Variants in MEGF8 observed in about 807,000 individuals in gnomAD.
MEGF8 encodes multiple EGF like domains 8, also known as multiple epidermal growth factor-like domains protein 8.
Under a neutral mutation model 302.9 loss-of-function variants are expected in MEGF8, and 156 were observed. The ratio of observed to expected loss-of-function variants is 0.52; its 90% CI spans 0.45 to 0.59. MEGF8 has a LOEUF of 0.59. Among genes scored for constraint, MEGF8 ranks in the 20% least tolerant of loss-of-function variants. MEGF8 has a pLI of 0.00. For missense variants in MEGF8, 3,345 were observed against 3,964.5 expected (o/e 0.84, Z 4.20); for synonymous variants, 1,621 against 1,660.5 (o/e 0.98, Z 0.58).
chr19:42,348,441 G>T lies in MEGF8; in HGVS notation c.2267G>T (p.Arg756Leu). Residue 756 changes from arginine (R) to leucine (L), a missense_variant, in exon 13 of 42, where the codon CGG (arginine) becomes CTG (leucine). Physicochemically the swap from Arg to Leu is moderately radical, Grantham distance 102. Coordinates refer to ENST00000251268, the MANE Select transcript of MEGF8 (RefSeq NM_001271938.2). ...TRAQRLHVLA[R>L]MARGPDTENM... The stretch of plus-strand genomic sequence containing the variant: ...GCCCAGCGCCTACACGTCCTGGCCC[G>T]GATGGCCCGTGGCCCTGACACGGAG... The T allele has an allele frequency of 1.3e-6, 2 of 1,529,720 alleles. No homozygotes were observed. Among genetic ancestry groups the T allele is most frequent in the Non-Finnish European group, 1.8e-6 (2 of 1,141,190 alleles). 94.8% of individuals were successfully genotyped at this position (1,529,720 alleles called of 1,614,324 possible). A position where few individuals can be genotyped will look rare whatever the true frequency, so the allele number is the denominator to read the frequency against.
At position 42,362,423 on chromosome 19, in the gene MEGF8, G is replaced by A. The variant is rs1454888198; in HGVS notation, c.5884G>A (p.Glu1962Lys). ...PRCKWCTNCPEGACIGRNGSC... is the reference protein window; with the variant it reads ...PRCKWCTNCPKGACIGRNGSC... ...CTGTAAGTGGTGTACCAACTGCCCC[G>A]AAGGTGCTTGCATTGGACGCAATGG... The change falls in exon 34 of 42, where the codon GAA becomes AAA. Residue 1962 changes from glutamate (E) to lysine (K), a missense_variant. By Grantham distance (56) the Glu-to-Lys change is moderately conservative (BLOSUM62 1). Transcript: ENST00000251268. 11 of 1,613,974 alleles carry A rather than the reference G, an allele frequency of 6.8e-6. No homozygotes were observed. The highest frequency in any genetic ancestry group is 8.5e-6 in the Non-Finnish European group (10 of 1,179,886).
Position 42,362,605 on chromosome 19 carries a change from G to T in MEGF8, c.6058+8G>T, listed in dbSNP as rs955978918. ...GGCAGTTCAAGAGGACAGGTGAGCA[G>T]TGGGCCTAGTTCCTGAGAGGGGAGT... On this transcript the variant is annotated splice_region_variant and intron_variant, in intron 34 of 41. Coordinates refer to ENST00000251268, the MANE Select transcript of MEGF8 (RefSeq NM_001271938.2). 1.1e-5 allele frequency: 18 copies of T among 1,610,346 alleles called. No individual in the cohort carries two copies. The highest frequency in any genetic ancestry group is 1.5e-5 in the Non-Finnish European group (18 of 1,179,656).
Position 42,336,130 on chromosome 19 carries a change from A to G in MEGF8, c.1028A>G (p.Asp343Gly), listed in dbSNP as rs757946834. 20 of 1,608,640 alleles carry G rather than the reference A, an allele frequency of 1.2e-5. No homozygotes were observed. Among genetic ancestry groups the G allele is most frequent in the Non-Finnish European group, 1.6e-5 (19 of 1,179,002 alleles). Residue 343 changes from aspartate (D) to glycine (G), a missense_variant, in exon 6 of 42, where the codon GAT becomes GGT. Coordinates refer to ENST00000251268, the MANE Select transcript of MEGF8 (RefSeq NM_001271938.2). The surrounding 1 kb of genome is among the most constrained non-coding windows in gnomAD (Gnocchi z 4.8). ...GCAGGTCACGCGGCTGCCCTGGTGG[A>G]TGATGTCTGGCTATATGTGTCTGGA... ...GLAGHAAALV[D>G]DVWLYVSGGR...
At chr19:42,363,526 A>G (rs1043935967) in intron 35 of MEGF8, among the ~76,000 whole-genome samples, 5 of 152,086 alleles carry the variant, frequency 3.3e-5, no homozygotes, top group Non-Finnish European at 5.9e-5. Context: ...ACTCTTGTCC[A>G]TGGTATCATG....
chr19:42,354,823 C>G lies in MEGF8; in HGVS notation c.4144+103C>G, dbSNP rs2039428172. 1 of 1,279,008 alleles carries G rather than the reference C, an allele frequency of 7.8e-7. No homozygotes were observed. The highest frequency in any genetic ancestry group is 1.1e-6 in the Non-Finnish European group (1 of 943,608). 79.2% of individuals were successfully genotyped at this position (1,279,008 alleles called of 1,614,324 possible). A position where few individuals can be genotyped will look rare whatever the true frequency, so the allele number is the denominator to read the frequency against. On this transcript the variant is annotated intron_variant, in intron 23 of 41. Transcript: ENST00000251268. This position sits in a 1 kb window ranked among gnomAD's most constrained non-coding sequence, Gnocchi z 4.3. Reference sequence around the variant, plus strand: ...GGCTCAGGACCCAGCTCTGCCGCTGCTTATGGGGTGATGTAGTCCCTCACC... The same window carrying G: ...GGCTCAGGACCCAGCTCTGCCGCTGGTTATGGGGTGATGTAGTCCCTCACC...
intron 13 of MEGF8, among the ~76,000 whole-genome samples, 199 bp downstream of exon 13, chr19:42,348,671 C>T (rs1401284542): frequency 1.8e-4 from 28 of 152,218 alleles, no homozygotes; most frequent in Admixed American, 1.8e-3. Flanking sequence ...GCGATCTCGG[C>T]TCACTGCTAC....
chr19:42,341,022 G>T (rs1433567418), intron 8 of MEGF8, among the ~76,000 whole-genome samples: 1 of 152,112 alleles, frequency 6.6e-6, no homozygotes, highest in Non-Finnish European at 1.5e-5. Flanking sequence ...CTGGAGTGCA[G>T]TGGTGCAGTC....
Position 42,354,075 on chromosome 19 carries a change from C to T in MEGF8, c.4011+51C>T, listed in dbSNP as rs981265413. 3 of 1,535,144 alleles carry T rather than the reference C, an allele frequency of 2.0e-6. No homozygotes were observed. The African/African-American group carries it at 4.1e-5, about 21-fold the overall frequency. ...AGGCGCATGAGCCAGAACCGTGTCC[C>T]CTGACCCAGCCTGCATCCTCAGACC... On this transcript the variant is annotated intron_variant, in intron 22 of 41. Transcript: ENST00000251268. This position sits in a 1 kb window ranked among gnomAD's most constrained non-coding sequence, Gnocchi z 4.3.
In MEGF8 at chr19:42,369,788, C is replaced by A; in HGVS notation, c.6834+65C>A. The A allele has an allele frequency of 6.7e-7, 1 of 1,487,320 alleles. No homozygotes were observed. The highest frequency in any genetic ancestry group is 9.0e-7 in the Non-Finnish European group (1 of 1,107,340). The allele number at this position is 1,487,320 out of a possible 1,614,324, so 92.1% of individuals were successfully genotyped here. A position where few individuals can be genotyped will look rare whatever the true frequency, so the allele number is the denominator to read the frequency against. On this transcript the variant is annotated intron_variant, in intron 38 of 41. Coordinates refer to ENST00000251268, the MANE Select transcript of MEGF8 (RefSeq NM_001271938.2). The surrounding 1 kb of genome is among the most constrained non-coding windows in gnomAD (Gnocchi z 5.7). ...CAGGCCCTCACTTGCCTTCATCCCACGCTCAGGCGGCTCGCATCTCATCCT... is the reference window on the plus strand; with the variant it reads ...CAGGCCCTCACTTGCCTTCATCCCAAGCTCAGGCGGCTCGCATCTCATCCT...
In MEGF8 at chr19:42,358,355, G is replaced by A; in HGVS notation, c.5175+48G>A. 1 of 1,534,310 alleles carries A rather than the reference G, an allele frequency of 6.5e-7. No individual in the cohort carries two copies. The highest frequency in any genetic ancestry group is 8.7e-7 in the Non-Finnish European group (1 of 1,146,280). ...CAAGGATGTATGGGGCAGGAGGGAGGGGTCCTCTTTCCCAGTGCCCCAGGG... is the reference window on the plus strand; with the variant it reads ...CAAGGATGTATGGGGCAGGAGGGAGAGGTCCTCTTTCCCAGTGCCCCAGGG... On this transcript the variant is annotated intron_variant, in intron 29 of 41. Transcript: ENST00000251268. This position sits in a 1 kb window ranked among gnomAD's most constrained non-coding sequence, Gnocchi z 4.4.
intron 34 of MEGF8, among the ~76,000 whole-genome samples, 184 bp from the exon 35 acceptor site, chr19:42,362,864 C>G (rs1295166114): frequency 8.8e-5 from 13 of 148,302 alleles, no homozygotes. Context: ...GGGGCCTGGA[C>G]TCCTGGGTCT....
chr19:42,358,443 C>A lies in MEGF8; in HGVS notation c.5175+136C>A. ...TATGTTCCCTAACTAAGCGACACCCCCACATCTCCCCCGCTTCCATCCCTG... is the reference window on the plus strand; with the variant it reads ...TATGTTCCCTAACTAAGCGACACCCACACATCTCCCCCGCTTCCATCCCTG... On this transcript the variant is annotated intron_variant, in intron 29 of 41. Transcript: ENST00000251268. The surrounding 1 kb of genome is among the most constrained non-coding windows in gnomAD (Gnocchi z 4.4). 5 of 1,130,518 alleles carry A rather than the reference C, an allele frequency of 4.4e-6. No individual in the cohort carries two copies. The highest frequency in any genetic ancestry group is 6.1e-6 in the Non-Finnish European group (5 of 822,372). The allele number at this position is 1,130,518 out of a possible 1,614,324, so 70.0% of individuals were successfully genotyped here.
chr19:42,357,457 C>T lies in MEGF8; in HGVS notation c.4884C>T (p.Arg1628=), dbSNP rs2039468723. 6.2e-7 allele frequency: 1 copy of T among 1,613,798 alleles called. No individual in the cohort carries two copies. The highest frequency in any genetic ancestry group is 1.1e-5 in the South Asian group (1 of 91,086). The change falls in exon 28 of 42, where the codon CGC becomes CGT. Residue 1628 remains arginine (R), a synonymous_variant. Coordinates refer to ENST00000251268, the MANE Select transcript of MEGF8 (RefSeq NM_001271938.2). This position sits in a 1 kb window ranked among gnomAD's most constrained non-coding sequence, Gnocchi z 5.2. ...TTGCTGGTCACACCCTTACTGCCCG[C>T]CGAGGCCTGTCTCTGCTCCTGGTGG... The part of the protein sequence containing the change: ...PAVAGHTLTA[R]RGLSLLLVGG...
At position 42,334,225 on chromosome 19, in the gene MEGF8, C is replaced by T; in HGVS notation, c.558+12C>T. The T allele has an allele frequency of 6.3e-7, 1 of 1,577,390 alleles. No individual in the cohort carries two copies. Among genetic ancestry groups the T allele is most frequent in the Non-Finnish European group, 8.6e-7 (1 of 1,161,374 alleles). On this transcript the variant is annotated intron_variant, in intron 3 of 41. Transcript: ENST00000251268. Reference sequence around the variant, plus strand: ...GCACCTGCGCCTCGGTGAGCCGGTCCCCAGCCCTGTTTCCCCTGGGGCCCT... The same window carrying T: ...GCACCTGCGCCTCGGTGAGCCGGTCTCCAGCCCTGTTTCCCCTGGGGCCCT...
At position 42,344,660 on chromosome 19, in the gene MEGF8, G is replaced by A; in HGVS notation, c.1934-10G>A. 6.4e-7 allele frequency: 1 copy of A among 1,564,950 alleles called. No individual in the cohort carries two copies. Among genetic ancestry groups the A allele is most frequent in the Non-Finnish European group, 8.7e-7 (1 of 1,151,964 alleles). On this transcript the variant is annotated splice_polypyrimidine_tract_variant and intron_variant, in intron 11 of 41. Coordinates refer to ENST00000251268, the MANE Select transcript of MEGF8 (RefSeq NM_001271938.2). This position sits in a 1 kb window ranked among gnomAD's most constrained non-coding sequence, Gnocchi z 4.5. The stretch of plus-strand genomic sequence containing the variant: ...ACTGACCCACCGGCCCCCACCCCCT[G>A]TCTTCTCAGAGCAGGCCCGCTGCCG...
rs1322674808 is a variant in MEGF8, at chr19:42,376,857, CT to C, written c.*83del. The stretch of plus-strand genomic sequence containing the variant: ...TTGGGGTCCCTCCACCTGGGGGCCC[CT>C]GGACACTGTCTACTTGGAGACCACT... On this transcript the variant is annotated 3_prime_UTR_variant, in exon 42 of 42. Transcript: ENST00000251268. This position sits in a 1 kb window ranked among gnomAD's most constrained non-coding sequence, Gnocchi z 8.2. 5.8e-6 allele frequency: 8 copies of C among 1,386,366 alleles called. No homozygotes were observed. The highest frequency in any genetic ancestry group is 7.5e-6 in the Non-Finnish European group (8 of 1,068,310). The allele number at this position is 1,386,366 out of a possible 1,614,324, so 85.9% of individuals were successfully genotyped here.
rs370121559 is a variant in MEGF8, at chr19:42,344,742, C to T, written c.2006C>T (p.Thr669Met). ...TGGGGGCCTGCGCCTGTCTTCGTCA[C>T]GTCCCTGGAGGCCTGCGTCACCCAG... ...GWWGPAPVFV[T>M]SLEACVTQSF... is the part of the protein sequence containing the mutation. The change falls in exon 12 of 42, where the codon ACG becomes ATG. Residue 669 changes from threonine to methionine, a missense_variant. Thr to Met is a moderately conservative substitution (Grantham distance 81). Transcript: ENST00000251268. The surrounding 1 kb of genome is among the most constrained non-coding windows in gnomAD (Gnocchi z 4.5). The T allele has an allele frequency of 1.4e-5, 23 of 1,612,256 alleles. No individual in the cohort carries two copies. Among genetic ancestry groups the T allele is most frequent in the East Asian group, 6.7e-5 (3 of 44,812 alleles).
chr19:42,344,043 T>C lies in MEGF8; in HGVS notation c.1758T>C (p.Ala586=). ...ECSWCQGACQ[A]APPPGTPLGA... is the part of the protein sequence containing the mutation. ...GTTGGTGCCAAGGAGCCTGCCAAGC[T>C]GCACCCCCTCCTGGGACCCCCTTGG... The change falls in exon 10 of 42, where the codon GCT becomes GCC. Residue 586 remains alanine (A), a synonymous_variant. Transcript: ENST00000251268. The surrounding 1 kb of genome is among the most constrained non-coding windows in gnomAD (Gnocchi z 4.5). The C allele has an allele frequency of 6.2e-7, 1 of 1,613,754 alleles. No homozygotes were observed. Among genetic ancestry groups the C allele is most frequent in the Non-Finnish European group, 8.5e-7 (1 of 1,179,762 alleles).
In MEGF8 at chr19:42,368,407, TC is replaced by T. The variant is rs79915295; in HGVS notation, c.6274-44del. 0.054 allele frequency: 78,226 copies of T among 1,457,362 alleles called. 2,946 individuals are homozygous for T. The highest frequency in any genetic ancestry group is 0.16 in the Middle Eastern group (904 of 5,608). The allele number at this position is 1,457,362 out of a possible 1,614,324, so 90.3% of individuals were successfully genotyped here. A position where few individuals can be genotyped will look rare whatever the true frequency, so the allele number is the denominator to read the frequency against. On this transcript the variant is annotated intron_variant, in intron 35 of 41. Coordinates refer to ENST00000251268, the MANE Select transcript of MEGF8 (RefSeq NM_001271938.2). This position sits in a 1 kb window ranked among gnomAD's most constrained non-coding sequence, Gnocchi z 4.9. ...CAGAATGTGTTTGTTTAAGCTTATT[TC>T]CCCATCTCTCTCTTCCCTGCATCCC...
Sources: gnomAD v4.1 joint callset for allele counts (sites outside exome capture counted in the v4.1 genomes callset) on GRCh38, gnomAD v4.1.1 for gene constraint, Gnocchi (gnomAD v3.1) non-coding constraint, MANE v1.5 for transcripts, NCBI Gene and HGNC (gene_info 2026-07-23, HGNC 2026-07-21) for gene names.